CHST10: variants seen among roughly 807,000 people sequenced by gnomAD.
CHST10 encodes HNK-1 sulfotransferase.
Under a neutral mutation model 34.7 loss-of-function variants are expected in CHST10, and 24 were observed. The observed-to-expected ratio is 0.69, with a 90% CI of 0.50 to 0.97. The LOEUF (loss-of-function observed/expected upper bound fraction) is 0.97. CHST10 is among the 50% of genes least tolerant of loss of function. CHST10 has a pLI of 0.00. For synonymous variants in CHST10, 161 were observed against 169.3 expected (o/e 0.95, Z 0.38); for missense variants, 402 against 452.1 (o/e 0.89, Z 1.00).
intron 2 of CHST10, among the ~76,000 whole-genome samples, chr2:100,414,692 G>A (rs1018497938): frequency 1.3e-5 from 2 of 151,968 alleles, no homozygotes; most frequent in East Asian, 1.9e-4. Context: ...ACAATTTACC[G>A]CCTTGGAACG....
At chr2:100,409,025 T>C (rs1459086931) in intron 2 of CHST10, among the ~76,000 whole-genome samples, 1 of 151,936 alleles carries the variant, frequency 6.6e-6, no homozygotes, top group Non-Finnish European at 1.5e-5. Context: ...CTAGGATCAG[T>C]GCTATGAAAA....
intron 2 of CHST10, among the ~76,000 whole-genome samples, chr2:100,414,032 A>G (rs1159843695): frequency 6.6e-6 from 1 of 152,142 alleles, no homozygotes; most frequent in Non-Finnish European, 1.5e-5. Context: ...GCCATAAACA[A>G]ATCAAGTGAT....
chr2:100,402,517 G>C (rs1675387724), intron 4 of CHST10, 47 bp downstream of exon 4: 1 of 1,524,762 alleles, frequency 6.6e-7, no homozygotes, highest in African/African-American at 1.4e-5. Flanking sequence ...CCCGCGACAA[G>C]GGTGCCGTGT....
In CHST10 at chr2:100,415,125, T is replaced by C; in HGVS notation, c.-103-14A>G. On this transcript the variant is annotated splice_polypyrimidine_tract_variant and intron_variant, in intron 1 of 6. Coordinates refer to ENST00000264249, the MANE Select transcript of CHST10 (RefSeq NM_004854.5). Reference sequence around the variant, plus strand: ...TTCCTCTTGTCACTGGATAGGAAAATTAAAAAAAAAAAAGCATTATTAAAA... The same window carrying C: ...TTCCTCTTGTCACTGGATAGGAAAACTAAAAAAAAAAAAGCATTATTAAAA... 1 of 1,264,668 alleles carries C rather than the reference T, an allele frequency of 7.9e-7. No homozygotes were observed. The allele number at this position is 1,264,668 out of a possible 1,614,324, so 78.3% of individuals were successfully genotyped here. A position where few individuals can be genotyped will look rare whatever the true frequency, so the allele number is the denominator to read the frequency against.
In CHST10 at chr2:100,393,788, GA is replaced by G. The variant is rs762993970; in HGVS notation, c.534-7del. 3.1e-6 allele frequency: 5 copies of G among 1,596,802 alleles called. No homozygotes were observed. The highest frequency in any genetic ancestry group is 1.7e-6 in the Non-Finnish European group (2 of 1,175,912). On this transcript the variant is annotated splice_polypyrimidine_tract_variant and splice_region_variant and intron_variant, in intron 6 of 6. Coordinates refer to ENST00000264249, the MANE Select transcript of CHST10 (RefSeq NM_004854.5). Reference sequence around the variant, plus strand: ...ACTTGAAGTATGTTTTCAATCTAAGGAAAAAAACGAACAAGAGGTTAACTTG... The same window carrying G: ...ACTTGAAGTATGTTTTCAATCTAAGGAAAAAACGAACAAGAGGTTAACTTG...
At chr2:100,400,754 C>T (rs1675303323) in intron 4 of CHST10, among the ~76,000 whole-genome samples, 1 of 152,254 alleles carries the variant, frequency 6.6e-6, no homozygotes, top group South Asian at 2.1e-4. Context: ...TCTCAGCTCA[C>T]TGCAACCTCC....
chr2:100,410,994 C>T (rs1675809934), intron 2 of CHST10, among the ~76,000 whole-genome samples: 1 of 151,948 alleles, frequency 6.6e-6, no homozygotes, highest in Admixed American at 6.6e-5. Flanking sequence ...TATATGATTA[C>T]ACACATATAC....
chr2:100,401,321 T>A (rs571843419), intron 4 of CHST10, among the ~76,000 whole-genome samples: 1 of 152,252 alleles, frequency 6.6e-6, no homozygotes, highest in South Asian at 2.1e-4. Context: ...GGAAGACCAA[T>A]GAGATTGAAA....
rs375760217 is a variant in CHST10, at chr2:100,393,008, A to G, written c.*237T>C. The G allele has an allele frequency of 3.4e-5, 19 of 562,926 alleles. No individual in the cohort carries two copies. In the East Asian group the frequency reaches 4.2e-4, roughly 12 times the overall value. The allele number at this position is 562,926 out of a possible 1,614,324, so 34.9% of individuals were successfully genotyped here. Reference sequence around the variant, plus strand: ...CTCCCCTCTGAGGTGAGCAAAGGCCAGCGACATCCTAATGCACGCAGGGGT... The same window carrying G: ...CTCCCCTCTGAGGTGAGCAAAGGCCGGCGACATCCTAATGCACGCAGGGGT... On this transcript the variant is annotated 3_prime_UTR_variant, in exon 7 of 7. Coordinates refer to ENST00000264249, the MANE Select transcript of CHST10 (RefSeq NM_004854.5).
intron 3 of CHST10, among the ~76,000 whole-genome samples, chr2:100,404,313 C>G (rs1359408218): frequency 6.6e-6 from 1 of 152,122 alleles, no homozygotes; most frequent in Non-Finnish European, 1.5e-5. Context: ...GCAGCACTCC[C>G]ATCTCAGTGA....
chr2:100,408,057 C>G (rs1675660560), intron 2 of CHST10: 1 of 152,094 alleles, frequency 6.6e-6, no homozygotes, highest in Non-Finnish European at 1.5e-5. Flanking sequence ...AGTGTCCTTC[C>G]CAGGTTCCCC....
chr2:100,407,160 T>G (rs977922256), intron 2 of CHST10, among the ~76,000 whole-genome samples: 1 of 152,162 alleles, frequency 6.6e-6, no homozygotes, highest in Non-Finnish European at 1.5e-5. Context: ...GAGCTGGCTG[T>G]GTTTAAAATT....
intron 4 of CHST10, among the ~76,000 whole-genome samples, chr2:100,401,809 C>T (rs1675355094): frequency 6.6e-6 from 1 of 152,184 alleles, no homozygotes; most frequent in Non-Finnish European, 1.5e-5. Context: ...ATCATCCTTA[C>T]ACTGTGACCC....
chr2:100,395,415 T>G, intron 6 of CHST10, 94 bp downstream of exon 6: 20 of 1,087,824 alleles, frequency 1.8e-5, no homozygotes, highest in Non-Finnish European at 2.6e-5. Flanking sequence ...CTCCGATCAA[T>G]CTGCCAAGTA....
Position 100,402,607 on chromosome 2 carries a change from A to G in CHST10, c.149T>C (p.Val50Ala). 6.2e-7 allele frequency: 1 copy of G among 1,613,944 alleles called. No homozygotes were observed. Residue 50 changes from valine to alanine, a missense_variant, in exon 4 of 7, where the codon GTG (valine) becomes GCG (alanine). Physicochemically the swap from Val to Ala is moderately conservative, Grantham distance 64. Transcript: ENST00000264249. ...GTGCTTCTCTTCTGGCAACTTCCTCACTTCCGGCATGGTTGTCAGGAACAG... is the reference window on the plus strand; with the variant it reads ...GTGCTTCTCTTCTGGCAACTTCCTCGCTTCCGGCATGGTTGTCAGGAACAG... ...EFLFLTTMPE[V>A]RKLPEEKHIP... is the part of the protein sequence containing the mutation.
chr2:100,411,746 G>A (rs192329625), intron 2 of CHST10, among the ~76,000 whole-genome samples: 3 of 152,316 alleles, frequency 2.0e-5, no homozygotes, highest in East Asian at 1.9e-4. Context: ...AGAGCTTGTC[G>A]TCTAACAGGC....
chr2:100,406,275 G>T (rs1675568804), intron 3 of CHST10, among the ~76,000 whole-genome samples: 1 of 152,174 alleles, frequency 6.6e-6, no homozygotes, highest in South Asian at 2.1e-4. Context: ...CAAGGCATAA[G>T]GCCACTGTGC....
chr2:100,394,929 C>A (rs1367803767), intron 6 of CHST10, among the ~76,000 whole-genome samples: 1 of 151,710 alleles, frequency 6.6e-6, no homozygotes, highest in African/African-American at 2.4e-5. Flanking sequence ...CTGTCAGTCA[C>A]ACTTGTCTTG....
chr2:100,402,874 C>A (rs1177139484), intron 3 of CHST10, among the ~76,000 whole-genome samples: 2 of 152,174 alleles, frequency 1.3e-5, no homozygotes, highest in African/African-American at 4.8e-5. Context: ...CAAACCTCAC[C>A]CCTTATTCAA....
Sources: allele counts gnomAD v4.1 joint callset (sites outside exome capture counted in the v4.1 genomes callset), GRCh38; gene constraint gnomAD v4.1.1; transcripts MANE v1.5; gene names NCBI Gene and HGNC (gene_info 2026-07-23, HGNC 2026-07-21).